CPS1: variants seen among roughly 807,000 people sequenced by gnomAD.
The protein encoded by CPS1 is carbamoyl-phosphate synthase [ammonia], mitochondrial.
A neutral mutation model predicts 174.6 loss-of-function variants in CPS1; 109 were observed. The observed-to-expected ratio is 0.62, with a 90% CI of 0.53 to 0.73. CPS1 has a LOEUF of 0.73. Ranked by LOEUF, CPS1 falls within the 30% of genes least tolerant of loss-of-function variation. The pLI is 0.00. For missense variants in CPS1, 1,689 were observed against 1,821.9 expected, an observed-to-expected ratio of 0.93 and a Z score of 1.33; for synonymous variants, 637 against 632.0, an observed-to-expected ratio of 1.01 and a Z score of -0.12.
intron 21 of CPS1, among the ~76,000 whole-genome samples, chr2:210,634,255 T>C (rs544428563): frequency 5.3e-5 from 8 of 152,026 alleles, no homozygotes; most frequent in Non-Finnish European, 1.0e-4. Context: ...ACGGTGAAAC[T>C]CCGTCTCTAC....
intron 1 of CPS1, chr2:210,519,658 C>T: frequency 1.5e-6 from 1 of 646,350 alleles, no homozygotes; most frequent in Non-Finnish European, 1.9e-6. Context: ...GCCTCGCTTG[C>T]ATCTAGACAC....
chr2:210,577,436 G>T lies in CPS1; in HGVS notation c.397G>T (p.Val133Leu). ...GTCTTTCTAGGTTTCAGGTTTGCTG[G>T]TGCTGGATTATAGTAAAGACTACAA... is the stretch of plus-strand genomic sequence containing the variant. The part of the protein sequence containing the change: ...SNGIKVSGLL[V>L]LDYSKDYNHW... The change falls in exon 4 of 38, where the codon GTG becomes TTG. Residue 133 changes from valine to leucine, a missense_variant. Val to Leu is a conservative substitution (Grantham distance 32). Coordinates refer to ENST00000233072, the MANE Select transcript of CPS1 (RefSeq NM_001875.5). 1 of 1,613,720 alleles carries T rather than the reference G, an allele frequency of 6.2e-7. No homozygotes were observed. The highest frequency in any genetic ancestry group is 8.5e-7 in the Non-Finnish European group (1 of 1,179,782).
intron 32 of CPS1, among the ~76,000 whole-genome samples, chr2:210,662,727 A>T (rs1559134161): frequency 6.6e-6 from 1 of 152,248 alleles, no homozygotes; most frequent in Non-Finnish European, 1.5e-5. Flanking sequence ...TCAGAACAAG[A>T]AGAGGAATGT....
In CPS1 at chr2:210,634,298, C is replaced by T. The variant is rs147973767; in HGVS notation, c.2688-3404C>T. Among the ~76,000 whole-genome samples, 670 of 152,236 alleles carry T rather than the reference C, an allele frequency of 4.4e-3. 7 individuals are homozygous for T. Among genetic ancestry groups the T allele is most frequent in the African/African-American group, 0.015 (616 of 41,542 alleles). The stretch of plus-strand genomic sequence containing the variant: ...ACAAAAAATTAGCCAGGCGTGATGG[C>T]GGACACCTGTCGTCCCAGCTACTCG... On this transcript the variant is annotated intron_variant, in intron 21 of 37. Transcript: ENST00000233072.
At chr2:210,665,219 T>G (rs187879780) in intron 33 of CPS1, among the ~76,000 whole-genome samples, 3 of 152,334 alleles carry the variant, frequency 2.0e-5, no homozygotes. Flanking sequence ...CCACATGTAC[T>G]GGTGACCAGC....
At chr2:210,670,790 A>G (rs985951767) in intron 34 of CPS1, among the ~76,000 whole-genome samples, 2 of 152,102 alleles carry the variant, frequency 1.3e-5, no homozygotes, top group East Asian at 1.9e-4. Flanking sequence ...CTTTACACAT[A>G]CAGACTCTCT....
At chr2:210,579,813 T>C in intron 5 of CPS1, 43 bp downstream of exon 5, 1 of 1,265,416 alleles carries the variant, frequency 7.9e-7, no homozygotes, top group Non-Finnish European at 1.1e-6. Flanking sequence ...TCTTCGGGTG[T>C]GTGTGTGTGT....
chr2:210,658,518 A>T, intron 30 of CPS1, 81 bp from the exon 31 acceptor site: 2 of 1,016,814 alleles, frequency 2.0e-6, no homozygotes, highest in Non-Finnish European at 3.1e-6. Flanking sequence ...ATCCAAATTT[A>T]AGGTACTGTG....
intron 1 of CPS1, among the ~76,000 whole-genome samples, chr2:210,537,381 CATAGGGTTA>C (rs1377438180): frequency 6.6e-6 from 1 of 152,140 alleles, no homozygotes; most frequent in Non-Finnish European, 1.5e-5. Flanking sequence ...GAGAGACAGG[CATAGGGTTA>C]ATAAAGGATT....
intron 1 of CPS1, among the ~76,000 whole-genome samples, chr2:210,536,465 C>T (rs915456409): frequency 1.8e-4 from 27 of 151,810 alleles, no homozygotes; most frequent in African/African-American, 4.4e-4. Flanking sequence ...GGACTACAGG[C>T]GCCCGCCACC....
intron 1 of CPS1, among the ~76,000 whole-genome samples, chr2:210,517,804 A>C (rs1393017538): frequency 1.3e-5 from 2 of 151,978 alleles, no homozygotes; most frequent in Non-Finnish European, 2.9e-5. Flanking sequence ...AGGATGTCTT[A>C]AATAATTTTG....
intron 9 of CPS1, among the ~76,000 whole-genome samples, chr2:210,591,328 C>T (rs1295852764): frequency 1.3e-5 from 2 of 151,816 alleles, no homozygotes; most frequent in African/African-American, 4.8e-5. Flanking sequence ...ACTTAAGAGC[C>T]GAGGAACCTT....
At chr2:210,626,544 G>A (rs936455535) in intron 21 of CPS1, among the ~76,000 whole-genome samples, 1 of 152,052 alleles carries the variant, frequency 6.6e-6, no homozygotes, top group Non-Finnish European at 1.5e-5. Context: ...TAGCTAGGAA[G>A]GCTCTGAATA....
At chr2:210,631,804 G>A (rs1330587250) in intron 21 of CPS1, among the ~76,000 whole-genome samples, 3 of 152,176 alleles carry the variant, frequency 2.0e-5, no homozygotes, top group Non-Finnish European at 4.4e-5. Flanking sequence ...AGAGGACACA[G>A]TTCTGAAATA....
In CPS1 at chr2:210,561,413, T is replaced by C. The variant is rs536259512; in HGVS notation, c.126+4554T>C. On this transcript the variant is annotated intron_variant, in intron 1 of 37. Coordinates refer to ENST00000233072, the MANE Select transcript of CPS1 (RefSeq NM_001875.5). The stretch of plus-strand genomic sequence containing the variant: ...TTTCCTCTCCCTCATTCCAATTTGC[T>C]CATGTCTAGCCAGACTTTCTGACGA... Among the ~76,000 whole-genome samples the C allele has an allele frequency of 1.8e-4, 27 of 152,330 alleles. No homozygotes were observed. The South Asian group carries it at 5.4e-3, about 30-fold the overall frequency.
In CPS1 at chr2:210,602,337, A is replaced by G. The variant is rs763488347; in HGVS notation, c.1836+7A>G. ...GATGGACCTCAGCACAAAGGTATGT[A>G]TTTTTGTAGACAATATTCTTACCAA... On this transcript the variant is annotated splice_region_variant and intron_variant, in intron 16 of 37. Coordinates refer to ENST00000233072, the MANE Select transcript of CPS1 (RefSeq NM_001875.5). 2 of 1,612,220 alleles carry G rather than the reference A, an allele frequency of 1.2e-6. No individual in the cohort carries two copies. Among genetic ancestry groups the G allele is most frequent in the Non-Finnish European group, 1.7e-6 (2 of 1,178,886 alleles).
chr2:210,612,427 T>C lies in CPS1; in HGVS notation c.2568+134T>C, dbSNP rs1034530767. The stretch of plus-strand genomic sequence containing the variant: ...TGGAAAATTTTTAATTCTTTTATAG[T>C]ATTAAACTGGAAACATCTATAGATT... On this transcript the variant is annotated intron_variant, in intron 20 of 37. Coordinates refer to ENST00000233072, the MANE Select transcript of CPS1 (RefSeq NM_001875.5). The C allele has an allele frequency of 6.0e-5, 48 of 799,672 alleles. No homozygotes were observed. The East Asian group carries it at 1.3e-3, about 22-fold the overall frequency. The allele number at this position is 799,672 out of a possible 1,614,324, so 49.5% of individuals were successfully genotyped here. A position where few individuals can be genotyped will look rare whatever the true frequency, so the allele number is the denominator to read the frequency against.
At chr2:210,590,688 T>G (rs1195224520) in intron 8 of CPS1, 112 bp from the exon 9 acceptor site, 2 of 776,000 alleles carry the variant, frequency 2.6e-6, no homozygotes, top group Non-Finnish European at 4.4e-6. Context: ...TTTAATTCAG[T>G]TACTATTCTC....
At chr2:210,673,741 C>G (rs1290916472) in intron 34 of CPS1, 2 of 152,080 alleles carry the variant, frequency 1.3e-5, no homozygotes, top group African/African-American at 2.4e-5. Flanking sequence ...AGTAGTAACA[C>G]TTAAGTAGTG....
Sources: allele counts gnomAD v4.1 joint callset (sites outside exome capture counted in the v4.1 genomes callset), GRCh38; gene constraint gnomAD v4.1.1; transcripts MANE v1.5; gene names NCBI Gene and HGNC (gene_info 2026-07-23, HGNC 2026-07-21).